The following ECHDC2 variants were observed in gnomAD, a reference collection of about 807,000 sequenced individuals.
ECHDC2 encodes the protein enoyl-CoA hydratase domain containing 2.
A neutral mutation model predicts 40.6 loss-of-function variants in ECHDC2; 34 were observed. That is an observed-to-expected ratio of 0.84 (90% CI 0.64 to 1.11). The LOEUF is 1.11. Ranked by LOEUF, ECHDC2 falls within the 50% of genes most tolerant of loss-of-function variation. ECHDC2 has a pLI of 0.00. For missense variants in ECHDC2, 392 were observed against 400.7 expected (o/e 0.98, Z 0.19); for synonymous variants, 162 against 166.6 (o/e 0.97, Z 0.21).
intron 1 of ECHDC2, among the ~76,000 whole-genome samples, chr1:52,918,435 A>G (rs1651200238): frequency 6.6e-6 from 1 of 151,896 alleles, no homozygotes. Flanking sequence ...GGTATTCCCG[A>G]TTGTTATCAT....
intron 1 of ECHDC2, among the ~76,000 whole-genome samples, chr1:52,916,917 A>G (rs1203479622): frequency 6.6e-6 from 1 of 152,310 alleles, no homozygotes; most frequent in South Asian, 2.1e-4. Flanking sequence ...TGTTGTGGGT[A>G]GAAGTCAACA....
chr1:52,917,809 A>T (rs1651042830), intron 1 of ECHDC2, among the ~76,000 whole-genome samples: 1 of 152,204 alleles, frequency 6.6e-6, no homozygotes, highest in South Asian at 2.1e-4. Context: ...GCTGGTGGTG[A>T]GGCTGGTGTA....
intron 1 of ECHDC2, chr1:52,920,662 C>A (rs1451186712): frequency 1.4e-6 from 1 of 706,706 alleles, no homozygotes; most frequent in East Asian, 2.6e-5. Flanking sequence ...CTCTCTATTC[C>A]CTGCCATAAC....
At chr1:52,911,021 C>G (rs1649354956) in intron 3 of ECHDC2, among the ~76,000 whole-genome samples, 1 of 152,088 alleles carries the variant, frequency 6.6e-6, no homozygotes, top group Non-Finnish European at 1.5e-5. Context: ...AGGAACTAGC[C>G]CAGGAATTCT....
chr1:52,910,352 GTTTTTTTT>G (rs869088329), intron 3 of ECHDC2, among the ~76,000 whole-genome samples: 29 of 32,082 alleles, frequency 9.0e-4, no homozygotes, highest in African/African-American at 2.8e-3. Context: ...CCACAATTTC[GTTTTTTTT>G]TTTTTTTTTT....
At chr1:52,907,715 G>A in intron 4 of ECHDC2, 153 bp downstream of exon 4, 1 of 648,612 alleles carries the variant, frequency 1.5e-6, no homozygotes, top group Non-Finnish European at 2.6e-6. Context: ...ACTGCCCTCG[G>A]TCATCCTCCT....
rs1650279051 is a variant in ECHDC2, at chr1:52,914,631, C to T, written c.122-2841G>A. Among the ~76,000 whole-genome samples the T allele has an allele frequency of 6.6e-6, 1 of 152,120 alleles. No homozygotes were observed. The highest frequency in any genetic ancestry group is 1.5e-5 in the Non-Finnish European group (1 of 68,018). On this transcript the variant is annotated intron_variant, in intron 1 of 9. Coordinates refer to ENST00000371522, the MANE Select transcript of ECHDC2 (RefSeq NM_001198961.2). The surrounding 1 kb of genome is among the most constrained non-coding windows in gnomAD (Gnocchi z 4.0). Reference sequence around the variant, plus strand: ...TCCTGTGCACCCCAGGCCTGAATAGCCAAATGCCTACTTGATATCTCAACT... The same window carrying T: ...TCCTGTGCACCCCAGGCCTGAATAGTCAAATGCCTACTTGATATCTCAACT...
At chr1:52,907,844 T>G in intron 4 of ECHDC2, 24 bp downstream of exon 4, 21 of 845,328 alleles carry the variant, frequency 2.5e-5, no homozygotes, top group South Asian at 4.0e-5. Context: ...AACCCCCTCC[T>G]CCACCCCACA....
At chr1:52,899,406 G>T in intron 7 of ECHDC2, 182 bp from the exon 8 acceptor site, 1 of 616,256 alleles carries the variant, frequency 1.6e-6, no homozygotes, top group South Asian at 2.0e-5. Context: ...TTTCTATCAT[G>T]AAAGAAGCCA....
chr1:52,910,327 G>A (rs1317702832), intron 3 of ECHDC2, among the ~76,000 whole-genome samples: 1 of 59,438 alleles, frequency 1.7e-5, no homozygotes, highest in Admixed American at 2.1e-4. Flanking sequence ...TAAATTTTGT[G>A]TTACTTATAT....
chr1:52,915,239 T>C (rs1296529735), intron 1 of ECHDC2: 5 of 455,820 alleles, frequency 1.1e-5, no homozygotes, highest in Non-Finnish European at 1.8e-5. Flanking sequence ...TGTTTCCCAA[T>C]CCTTTGGCCT....
intron 3 of ECHDC2, among the ~76,000 whole-genome samples, chr1:52,909,292 C>A (rs992289731): frequency 6.6e-6 from 1 of 152,106 alleles, no homozygotes; most frequent in East Asian, 1.9e-4. Context: ...CAGATACAGT[C>A]CCTCCTTATC....
At position 52,914,936 on chromosome 1, in the gene ECHDC2, C is replaced by T. The variant is rs1232119556; in HGVS notation, c.122-3146G>A. Among the ~76,000 whole-genome samples the T allele has an allele frequency of 2.6e-5, 4 of 152,170 alleles. No individual in the cohort carries two copies. The highest frequency in any genetic ancestry group is 9.7e-5 in the African/African-American group (4 of 41,426). ...CACATTCGTTCCCACATTTGGGTCA[C>T]AGTCATCTTTCTTACCCCAATCCGA... On this transcript the variant is annotated intron_variant, in intron 1 of 9. Transcript: ENST00000371522. This position sits in a 1 kb window ranked among gnomAD's most constrained non-coding sequence, Gnocchi z 4.0.
intron 3 of ECHDC2, among the ~76,000 whole-genome samples, chr1:52,910,351 C>CTTTTTT: frequency 2.7e-5 from 1 of 36,792 alleles, no homozygotes; most frequent in Non-Finnish European, 4.9e-5. Context: ...ACCACAATTT[C>CTTTTTT]GTTTTTTTTT....
chr1:52,901,838 A>G (rs1647011536), intron 7 of ECHDC2: 1 of 152,162 alleles, frequency 6.6e-6, no homozygotes, highest in Admixed American at 6.5e-5. Context: ...ATTGTTATTT[A>G]GTTAAGGCAA....
At chr1:52,917,370 T>C (rs778943650) in intron 1 of ECHDC2, among the ~76,000 whole-genome samples, 1 of 152,158 alleles carries the variant, frequency 6.6e-6, no homozygotes, top group South Asian at 2.1e-4. Flanking sequence ...ATCCTGACTC[T>C]TAAAGAGCTA....
rs1648360404 is a variant in ECHDC2 at position 52,907,912 on chromosome 1, A to C, written c.320T>G (p.Val107Gly). ...CCGGAGTCGCTGGACAAACACCCCC[A>C]CCTCTGCTTCACTCATCTGTTCCCG... is the stretch of plus-strand genomic sequence containing the variant. ...KEREQMSEAE[V>G]GVFVQRLRGL... Residue 107 changes from valine (V) to glycine (G), a missense_variant, in exon 4 of 10, where the codon GTG becomes GGG. By Grantham distance (109) the Val-to-Gly change is moderately radical. Transcript: ENST00000371522. 2 of 1,609,482 alleles carry C rather than the reference A, an allele frequency of 1.2e-6. No individual in the cohort carries two copies. The highest frequency in any genetic ancestry group is 1.7e-5 in the Admixed American group (1 of 59,604).
chr1:52,906,704 G>A (rs1647942799), intron 4 of ECHDC2, 93 bp from the exon 5 acceptor site: 3 of 890,018 alleles, frequency 3.4e-6, no homozygotes, highest in Non-Finnish European at 5.1e-6. Flanking sequence ...TTGGGACAGA[G>A]GCCTCAGTGG....
intron 4 of ECHDC2, 87 bp from the exon 5 acceptor site, chr1:52,906,698 G>A (rs1249675508): frequency 2.9e-5 from 30 of 1,028,080 alleles, no homozygotes; most frequent in Non-Finnish European, 3.7e-5. Flanking sequence ...AGCTGGTTGG[G>A]ACAGAGGCCT....
Sources: allele counts gnomAD v4.1 joint callset (sites outside exome capture counted in the v4.1 genomes callset), GRCh38; gene constraint gnomAD v4.1.1; non-coding constraint Gnocchi (gnomAD v3.1); transcripts MANE v1.5; gene names NCBI Gene and HGNC (gene_info 2026-07-23, HGNC 2026-07-21).